Variants in RBM42 observed in about 807,000 individuals in gnomAD.
RBM42 encodes the protein RNA-binding protein 42.
In RBM42, 21 loss-of-function variants were observed where a neutral mutation model predicts 41.4. The observed-to-expected ratio is 0.51, with a 90% CI of 0.36 to 0.73. The LOEUF is 0.73. Ranked by LOEUF, RBM42 falls within the 30% of genes least tolerant of loss-of-function variation. The probability of loss-of-function intolerance (pLI) is 0.00; values close to 1 mark genes in which losing one functional copy is unlikely to be tolerated. For missense variants in RBM42, 539 were observed against 680.4 expected, an observed-to-expected ratio of 0.79 and a Z score of 2.31; for synonymous variants, 272 against 271.2, an observed-to-expected ratio of 1.00 and a Z score of -0.03.
chr19:35,629,455 G>T, intron 1 of RBM42, 65 bp from the exon 2 acceptor site: 1 of 1,593,648 alleles, frequency 6.3e-7, no homozygotes, highest in South Asian at 1.1e-5. Flanking sequence ...GTCCCCTCGC[G>T]ATATACCCAC....
At chr19:35,630,968 G>C (rs1599605382) in intron 2 of RBM42, among the ~76,000 whole-genome samples, 172 bp from the exon 3 acceptor site, 1 of 151,444 alleles carries the variant, frequency 6.6e-6, no homozygotes, top group South Asian at 2.1e-4. Flanking sequence ...TGCTCAGAGA[G>C]CCCTAGTGTG....
intron 4 of RBM42, 69 bp from the exon 5 acceptor site, chr19:35,632,867 G>GCA (rs1336140759): frequency 2.2e-5 from 17 of 763,312 alleles, no homozygotes; most frequent in South Asian, 5.6e-5. Context: ...ACACACGCAT[G>GCA]CACACACACA....
chr19:35,635,478 G>GCATGCAT (rs1967481167), intron 8 of RBM42, among the ~76,000 whole-genome samples: 1 of 151,316 alleles, frequency 6.6e-6, no homozygotes, highest in South Asian at 2.1e-4. Context: ...CCCTGAACCA[G>GCATGCAT]CATGCATGCA....
chr19:35,629,441 G>A, intron 1 of RBM42, 79 bp from the exon 2 acceptor site: 4 of 1,579,026 alleles, frequency 2.5e-6, no homozygotes, highest in Non-Finnish European at 3.5e-6. Context: ...TGGCAGGGGT[G>A]AGGGTCCCCT....
chr19:35,632,811 C>T, intron 4 of RBM42, 125 bp from the exon 5 acceptor site: 1 of 647,040 alleles, frequency 1.5e-6, no homozygotes, highest in Non-Finnish European at 2.8e-6. Flanking sequence ...CAGGAGGGCT[C>T]CCCAGACTCT....
Position 35,629,062 on chromosome 19 carries a change from G to A in RBM42, c.-92G>A, listed in dbSNP as rs937185094. 30 of 1,442,740 alleles carry A rather than the reference G, an allele frequency of 2.1e-5. No individual in the cohort carries two copies. Among genetic ancestry groups the A allele is most frequent in the African/African-American group, 2.9e-5 (2 of 68,914 alleles). 89.4% of individuals were successfully genotyped at this position (1,442,740 alleles called of 1,614,324 possible). ...CTTTTGCTGGACGTCATCCTCGGGA[G>A]CCCACCCGGACGAAGGGGGAGAGTA... On this transcript the variant is annotated 5_prime_UTR_variant, in exon 1 of 10. Transcript: ENST00000262633.
At chr19:35,630,855 G>A (rs924621576) in intron 2 of RBM42, among the ~76,000 whole-genome samples, 2 of 152,224 alleles carry the variant, frequency 1.3e-5, no homozygotes, top group African/African-American at 4.8e-5. Flanking sequence ...ATGGTGGCTT[G>A]GATGGAGGTT....
chr19:35,629,487 T>A, intron 1 of RBM42, 33 bp from the exon 2 acceptor site: 1 of 1,611,376 alleles, frequency 6.2e-7, no homozygotes, highest in Non-Finnish European at 8.5e-7. Flanking sequence ...TGGTACGAGG[T>A]CCTGAGCGCT....
Position 35,631,202 on chromosome 19 carries a change from TG to T in RBM42, c.347del (p.Gly116AlafsTer5). ...AATVVPPMVG[G>X]PPFVGPVGFG... The stretch of plus-strand genomic sequence containing the variant: ...CCACAGTAGTTCCTCCCATGGTGGG[TG>T]GCCCTCCTTTTGTAGGCCCTGGTAA... On this transcript the variant is annotated frameshift_variant, in exon 3 of 10. Coordinates refer to ENST00000262633, the MANE Select transcript of RBM42 (RefSeq NM_024321.5). LOFTEE classifies it high-confidence loss of function. 6.2e-7 allele frequency: 1 copy of T among 1,614,082 alleles called. No individual in the cohort carries two copies. Among genetic ancestry groups the T allele is most frequent in the Non-Finnish European group, 8.5e-7 (1 of 1,179,986 alleles).
At chr19:35,634,042 AAGGGAC>A in intron 7 of RBM42, 23 bp downstream of exon 7, 1 of 1,464,732 alleles carries the variant, frequency 6.8e-7, no homozygotes, top group Non-Finnish European at 9.0e-7. Flanking sequence ...CCTAGCGGTG[AAGGGAC>A]AGAAGGGACG....
At chr19:35,631,682 G>A in intron 4 of RBM42, 1 of 508,780 alleles carries the variant, frequency 2.0e-6, no homozygotes, top group Non-Finnish European at 3.5e-6. Flanking sequence ...TATTTACTAT[G>A]GCTATCATCT....
intron 6 of RBM42, 36 bp downstream of exon 6, chr19:35,633,288 G>T (rs760441239): frequency 6.7e-7 from 1 of 1,488,256 alleles, no homozygotes; most frequent in Non-Finnish European, 9.0e-7. Flanking sequence ...TCAGATGTGC[G>T]GTGGACGGGG....
At chr19:35,632,829 G>A in intron 4 of RBM42, 107 bp from the exon 5 acceptor site, 1 of 676,318 alleles carries the variant, frequency 1.5e-6, no homozygotes, top group Non-Finnish European at 2.7e-6. Context: ...TCTTCTCCAG[G>A]ATTTCTTGAT....
chr19:35,630,791 G>A (rs1402311751), intron 2 of RBM42, among the ~76,000 whole-genome samples: 2 of 152,216 alleles, frequency 1.3e-5, no homozygotes, highest in African/African-American at 4.8e-5. Flanking sequence ...AGGGACAAGG[G>A]CAGAAGCCAG....
At chr19:35,630,212 G>C (rs940485361) in intron 2 of RBM42, among the ~76,000 whole-genome samples, 1 of 152,074 alleles carries the variant, frequency 6.6e-6, no homozygotes, top group Non-Finnish European at 1.5e-5. Context: ...TACTTGGGAG[G>C]CTGAGGCAGG....
In RBM42 at chr19:35,633,975, C is replaced by G; in HGVS notation, c.973C>G (p.Arg325Gly). 6.5e-7 allele frequency: 1 copy of G among 1,537,056 alleles called. No individual in the cohort carries two copies. Residue 325 changes from arginine to glycine, a missense_variant, in exon 7 of 10, where the codon CGG (arginine) becomes GGG (glycine). Around this residue, in one of 2 missense-constraint regions of RBM42, gnomAD observed 429 missense variants for 488.9 expected, o/e 0.88. Coordinates refer to ENST00000262633, the MANE Select transcript of RBM42 (RefSeq NM_024321.5). ...ACTCCTGTCCCTGCGTCCTCGGCCC[C>G]GGCCCCCTCGGCCAGAGCCACCCCC... ...PELLSLRPRPRPPRPEPPPGL... is the reference protein window; with the variant it reads ...PELLSLRPRPGPPRPEPPPGL...
At chr19:35,634,919 T>G (rs2071260047) in intron 8 of RBM42, among the ~76,000 whole-genome samples, 1 of 152,176 alleles carries the variant, frequency 6.6e-6, no homozygotes, top group South Asian at 2.1e-4. Context: ...TTTTTTCCTC[T>G]TTGTGTATGT....
chr19:35,633,373 A>T, intron 6 of RBM42, 121 bp downstream of exon 6: 1 of 814,202 alleles, frequency 1.2e-6, no homozygotes, highest in Non-Finnish European at 1.9e-6. Context: ...CTACCTTCTC[A>T]CTCTGCCTTT....
At chr19:35,629,407 TG>T in intron 1 of RBM42, 112 bp from the exon 2 acceptor site, 1 of 1,533,672 alleles carries the variant, frequency 6.5e-7, no homozygotes, top group South Asian at 1.2e-5. Flanking sequence ...TTCGGGATTG[TG>T]GGGGCGGGGA....
Sources: allele counts gnomAD v4.1 joint callset (sites outside exome capture counted in the v4.1 genomes callset), GRCh38; gene constraint gnomAD v4.1.1; regional missense constraint gnomAD v4.1.1; transcripts MANE v1.5; gene names NCBI Gene and HGNC (gene_info 2026-07-23, HGNC 2026-07-21).